The following ANP32B variants were observed in gnomAD, a reference collection of about 807,000 sequenced individuals.
ANP32B encodes acidic nuclear phosphoprotein 32 family member B, also known as acidic leucine-rich nuclear phosphoprotein 32 family member B.
Under a neutral mutation model 32.2 loss-of-function variants are expected in ANP32B, and 6 were observed. That is an observed-to-expected ratio of 0.19 (90% confidence interval 0.10 to 0.37). ANP32B has a LOEUF of 0.37. ANP32B is among the 10% of genes least tolerant of loss of function. The pLI, the probability that ANP32B is intolerant of heterozygous loss-of-function variation, is 1.00. For missense variants in ANP32B, 204 were observed against 289.2 expected, an observed-to-expected ratio of 0.71 and a Z score of 2.14; for synonymous variants, 98 against 105.8, an observed-to-expected ratio of 0.93 and a Z score of 0.45.
chr9:97,985,215 G>A (rs1253222459), intron 1 of ANP32B, among the ~76,000 whole-genome samples: 1 of 152,082 alleles, frequency 6.6e-6, no homozygotes, highest in African/African-American at 2.4e-5. Flanking sequence ...GCCCTCAGGT[G>A]GCTGTGGTTA....
At chr9:98,012,515 TAG>T (rs1828203568) in intron 6 of ANP32B, 43 bp downstream of exon 6, 1 of 1,604,252 alleles carries the variant, frequency 6.2e-7, no homozygotes, top group Non-Finnish European at 8.5e-7. Flanking sequence ...AGTTAAAAAT[TAG>T]AGAAAAACAT....
chr9:97,989,073 GA>G (rs562891782), intron 1 of ANP32B, among the ~76,000 whole-genome samples: 14 of 151,744 alleles, frequency 9.2e-5, no homozygotes, highest in Non-Finnish European at 1.5e-5. Context: ...AGAATGAAAG[GA>G]AAAAAAATGT....
At chr9:98,004,856 G>A in intron 3 of ANP32B, 108 bp from the exon 4 acceptor site, 1 of 788,562 alleles carries the variant, frequency 1.3e-6, no homozygotes, top group Non-Finnish European at 2.0e-6. Flanking sequence ...AGGCTGAGTG[G>A]GTAGTGGAAA....
intron 3 of ANP32B, among the ~76,000 whole-genome samples, chr9:98,003,593 A>C (rs1221866357): frequency 1.3e-5 from 2 of 152,154 alleles, no homozygotes; most frequent in Admixed American, 6.5e-5. Context: ...TTTTCACACC[A>C]TTTTATATCT....
At chr9:98,011,823 AT>A (rs1828190309) in intron 5 of ANP32B, among the ~76,000 whole-genome samples, 2 of 152,338 alleles carry the variant, frequency 1.3e-5, no homozygotes, top group South Asian at 4.1e-4. Context: ...ACAAAATGAA[AT>A]GAGATTGTGG....
chr9:97,986,655 G>C (rs1225635166), intron 1 of ANP32B: 2 of 152,264 alleles, frequency 1.3e-5, no homozygotes, highest in African/African-American at 4.8e-5. Flanking sequence ...CCTTATGTGT[G>C]ATGTGCTGGA....
chr9:98,009,602 C>T (rs117177211), intron 4 of ANP32B, among the ~76,000 whole-genome samples: 3 of 152,366 alleles, frequency 2.0e-5, no homozygotes, highest in Non-Finnish European at 4.4e-5. Flanking sequence ...GAGGATCTAA[C>T]AGGTGATGTG....
chr9:98,009,239 AT>A (rs1489822948), intron 4 of ANP32B, among the ~76,000 whole-genome samples: 1 of 152,204 alleles, frequency 6.6e-6, no homozygotes, highest in East Asian at 1.9e-4. Flanking sequence ...ATTTATACAT[AT>A]TTTACAGATT....
Position 97,984,970 on chromosome 9 carries a change from C to T in ANP32B, c.54+1361C>T, listed in dbSNP as rs552415353. Among the ~76,000 whole-genome samples, 601 of 151,006 alleles carry T rather than the reference C, an allele frequency of 4.0e-3. 3 individuals carry two copies. Among genetic ancestry groups the T allele is most frequent in the African/African-American group, 0.013 (553 of 41,330 alleles). Reference sequence around the variant, plus strand: ...CTTGCGGGCTGTAGGGGCCTGAGGGCGGCCCTCTTGCGGCGCGGCTGCGTG... The same window carrying T: ...CTTGCGGGCTGTAGGGGCCTGAGGGTGGCCCTCTTGCGGCGCGGCTGCGTG... On this transcript the variant is annotated intron_variant, in intron 1 of 6. Coordinates refer to ENST00000339399, the MANE Select transcript of ANP32B (RefSeq NM_006401.3).
chr9:97,984,734 C>T (rs1827677934), intron 1 of ANP32B: 1 of 150,092 alleles, frequency 6.7e-6, no homozygotes, highest in African/African-American at 2.4e-5. Context: ...CTCCCACTGG[C>T]GGGAGCCGCG....
At chr9:97,990,965 G>A (rs1827815920) in intron 1 of ANP32B, among the ~76,000 whole-genome samples, 1 of 151,860 alleles carries the variant, frequency 6.6e-6, no homozygotes, top group Non-Finnish European at 1.5e-5. Flanking sequence ...GACTACAGGT[G>A]CACACCACCA....
intron 3 of ANP32B, among the ~76,000 whole-genome samples, chr9:97,999,231 A>G (rs1050011113): frequency 3.9e-5 from 6 of 152,148 alleles, no homozygotes; most frequent in Admixed American, 3.9e-4. Flanking sequence ...CCTTCAGAAG[A>G]GAATTTTTGG....
In ANP32B at chr9:97,998,644, A is replaced by G. The variant is rs1448780591; in HGVS notation, c.293A>G (p.Asn98Ser). The change falls in exon 3 of 7, where the codon AAT (asparagine) becomes AGT (serine). Residue 98 changes from asparagine (N) to serine (S), a missense_variant. Physicochemically the swap from Asn to Ser is conservative, Grantham distance 46 (BLOSUM62 1). Coordinates refer to ENST00000339399, the MANE Select transcript of ANP32B (RefSeq NM_006401.3). ...CTCACACATCTAAACTTAAGTGGAA[A>G]TAAACTGAAAGATATCAGCACCTTG... Reference protein sequence around the residue: ...PNLTHLNLSGNKLKDISTLEP... With the variant: ...PNLTHLNLSGSKLKDISTLEP... 1 of 1,611,298 alleles carries G rather than the reference A, an allele frequency of 6.2e-7. No individual in the cohort carries two copies. Among genetic ancestry groups the G allele is most frequent in the Non-Finnish European group, 8.5e-7 (1 of 1,179,076 alleles).
chr9:98,012,603 T>G, intron 6 of ANP32B, 131 bp downstream of exon 6: 2 of 1,322,446 alleles, frequency 1.5e-6, no homozygotes, highest in Non-Finnish European at 2.1e-6. Flanking sequence ...ATTCACATTC[T>G]CGTTTCTATC....
chr9:98,001,173 C>T (rs112500293), intron 3 of ANP32B, among the ~76,000 whole-genome samples: 37,583 of 150,552 alleles, frequency 0.25, 5,175 homozygotes, highest in South Asian at 0.49. Flanking sequence ...CCGCCACCCC[C>T]CTTTTTTTTT....
intron 6 of ANP32B, among the ~76,000 whole-genome samples, chr9:98,014,386 C>T (rs1298310842): frequency 2.0e-5 from 3 of 150,850 alleles, no homozygotes; most frequent in East Asian, 3.9e-4. Flanking sequence ...CCAGCCTGGG[C>T]GACGGAGCCA....
At chr9:98,014,424 T>G (rs1396264081) in intron 6 of ANP32B, among the ~76,000 whole-genome samples, 1 of 151,784 alleles carries the variant, frequency 6.6e-6, no homozygotes, top group Non-Finnish European at 1.5e-5. Flanking sequence ...AAAAACAACC[T>G]GTATGAAATA....
chr9:97,984,351 T>TC (rs1827661853), intron 1 of ANP32B, among the ~76,000 whole-genome samples: 1 of 151,164 alleles, frequency 6.6e-6, no homozygotes, highest in South Asian at 2.1e-4. Flanking sequence ...TAAAACTTTC[T>TC]CCCCCGTTCT....
intron 1 of ANP32B, among the ~76,000 whole-genome samples, chr9:97,988,424 C>G (rs1827773312): frequency 6.6e-6 from 1 of 152,082 alleles, no homozygotes; most frequent in African/African-American, 2.4e-5. Flanking sequence ...TGGAGAACCA[C>G]TAATAGAGAT....
Sources: allele counts gnomAD v4.1 joint callset (sites outside exome capture counted in the v4.1 genomes callset), GRCh38; gene constraint gnomAD v4.1.1; transcripts MANE v1.5; gene names NCBI Gene and HGNC (gene_info 2026-07-23, HGNC 2026-07-21).